Variants in NKAIN2 observed in about 807,000 individuals in gnomAD.
NKAIN2 encodes the protein sodium/potassium transporting ATPase interacting 2.
Under a neutral mutation model 32.6 loss-of-function variants are expected in NKAIN2, and 14 were observed. The ratio of observed to expected loss-of-function variants is 0.43; its 90% CI spans 0.28 to 0.67. The LOEUF (loss-of-function observed/expected upper bound fraction) is 0.67. Ranked by LOEUF, NKAIN2 falls within the 30% of genes least tolerant of loss-of-function variation. The pLI, the probability that NKAIN2 is intolerant of heterozygous loss-of-function variation, is 0.17. For missense variants in NKAIN2, 198 were observed against 258.3 expected (o/e 0.77, Z 1.60); for synonymous variants, 80 against 87.2 (o/e 0.92, Z 0.46).
At chr6:123,899,373 C>G (rs1774446914) in intron 1 of NKAIN2, among the ~76,000 whole-genome samples, 1 of 152,030 alleles carries the variant, frequency 6.6e-6, no homozygotes, top group African/African-American at 2.4e-5. Context: ...CTCACCTTAT[C>G]TCCTGTCTCC....
chr6:124,129,361 A>T (rs1364718741), intron 1 of NKAIN2, among the ~76,000 whole-genome samples: 1 of 152,226 alleles, frequency 6.6e-6, no homozygotes, highest in Non-Finnish European at 1.5e-5. Context: ...TATGCTGAGA[A>T]TGCCATCAGG....
rs145001840 is a variant in NKAIN2 at position 123,982,430 on chromosome 6, G to T, written c.54+178176G>T. On this transcript the variant is annotated intron_variant, in intron 1 of 6. Coordinates refer to ENST00000368417, the MANE Select transcript of NKAIN2 (RefSeq NM_001040214.3). Reference sequence around the variant, plus strand: ...GAGAGATTTAACTGCATAGGGCTTAGATGAGGAGGAATTGGTTATGATATT... The same window carrying T: ...GAGAGATTTAACTGCATAGGGCTTATATGAGGAGGAATTGGTTATGATATT... 5.3e-3 allele frequency among the ~76,000 whole-genome samples: 810 copies of T among 152,324 alleles called. 4 individuals are homozygous for T. Among genetic ancestry groups the T allele is most frequent in the Non-Finnish European group, 8.0e-3 (543 of 68,014 alleles).
At chr6:124,184,016 A>C (rs2114555326) in intron 1 of NKAIN2, among the ~76,000 whole-genome samples, 1 of 152,302 alleles carries the variant, frequency 6.6e-6, no homozygotes, top group East Asian at 1.9e-4. Context: ...AAACAAGAAA[A>C]GAAAGAGCTC....
chr6:124,204,237 A>G (rs1213878817), intron 1 of NKAIN2, among the ~76,000 whole-genome samples: 4 of 151,906 alleles, frequency 2.6e-5, no homozygotes, highest in Non-Finnish European at 5.9e-5. Context: ...GCTCCAAAAT[A>G]AGAGACATTT....
At chr6:124,671,078 C>T (rs776906249) in intron 4 of NKAIN2, among the ~76,000 whole-genome samples, 19 of 151,984 alleles carry the variant, frequency 1.3e-4, no homozygotes, top group Non-Finnish European at 2.1e-4. Context: ...GCAGCTGTAC[C>T]AAACAGAGCA....
intron 1 of NKAIN2, among the ~76,000 whole-genome samples, chr6:124,239,868 A>T (rs1792983432): frequency 6.6e-6 from 1 of 152,184 alleles, no homozygotes; most frequent in Admixed American, 6.6e-5. Context: ...TTCAAAAGCT[A>T]GCAGAAAACA....
intron 1 of NKAIN2, among the ~76,000 whole-genome samples, chr6:124,047,811 A>T (rs1214758862): frequency 6.6e-6 from 1 of 152,000 alleles, no homozygotes; most frequent in Non-Finnish European, 1.5e-5. Context: ...CTTGGCATCC[A>T]GCAATATTCA....
chr6:124,818,650 G>T (rs373877591), intron 6 of NKAIN2, among the ~76,000 whole-genome samples, 182 bp downstream of exon 6: 1 of 151,796 alleles, frequency 6.6e-6, no homozygotes, highest in South Asian at 2.1e-4. Context: ...TTTCTTATTT[G>T]ACTTATAAGA....
At chr6:124,451,946 G>C (rs538362627) in intron 3 of NKAIN2, among the ~76,000 whole-genome samples, 1 of 152,180 alleles carries the variant, frequency 6.6e-6, no homozygotes, top group East Asian at 1.9e-4. Flanking sequence ...TGTAATCCCA[G>C]CACTTTGGGA....
At position 124,421,112 on chromosome 6, in the gene NKAIN2, G is replaced by A. The variant is rs147018589; in HGVS notation, c.273+65765G>A. ...AAAAAAAACATGTTTTCTCTCAGTT[G>A]GACCCATTGTCCTTGAAGAAATATC... On this transcript the variant is annotated intron_variant, in intron 3 of 6. Coordinates refer to ENST00000368417, the MANE Select transcript of NKAIN2 (RefSeq NM_001040214.3). Among the ~76,000 whole-genome samples, 22 of 147,552 alleles carry A rather than the reference G, an allele frequency of 1.5e-4. No individual in the cohort carries two copies. In the East Asian group the frequency reaches 4.1e-3, roughly 27 times the overall value.
chr6:124,191,757 C>T (rs1274502279), intron 1 of NKAIN2, among the ~76,000 whole-genome samples: 1 of 152,060 alleles, frequency 6.6e-6, no homozygotes, highest in African/African-American at 2.4e-5. Context: ...TGAAGTGTGT[C>T]CTATCTACTC....
intron 4 of NKAIN2, among the ~76,000 whole-genome samples, chr6:124,746,793 A>G (rs1203343059): frequency 1.3e-5 from 2 of 151,914 alleles, no homozygotes; most frequent in Non-Finnish European, 2.9e-5. Context: ...TCTACCATCA[A>G]TAAGCTAAGT....
At chr6:124,169,464 T>G (rs1788738627) in intron 1 of NKAIN2, among the ~76,000 whole-genome samples, 1 of 152,178 alleles carries the variant, frequency 6.6e-6, no homozygotes. Flanking sequence ...AATTGCTACA[T>G]TTTACAATCC....
chr6:124,639,746 C>T, intron 3 of NKAIN2, among the ~76,000 whole-genome samples: 1 of 152,126 alleles, frequency 6.6e-6, no homozygotes, highest in East Asian at 1.9e-4. Flanking sequence ...TTAAATGCTA[C>T]TTGTTCTCAC....
chr6:124,742,651 C>G (rs1325858890), intron 4 of NKAIN2, among the ~76,000 whole-genome samples: 1 of 151,830 alleles, frequency 6.6e-6, no homozygotes, highest in Admixed American at 6.6e-5. Flanking sequence ...TTAACCAATA[C>G]AAGTCGACTG....
chr6:124,673,795 A>G (rs1252791052), intron 4 of NKAIN2, among the ~76,000 whole-genome samples: 4 of 151,668 alleles, frequency 2.6e-5, no homozygotes, highest in Non-Finnish European at 5.9e-5. Context: ...CTATTATCAG[A>G]TATATGGTTT....
intron 1 of NKAIN2, among the ~76,000 whole-genome samples, chr6:124,046,266 C>T (rs919949294): frequency 1.3e-4 from 19 of 151,780 alleles, no homozygotes; most frequent in African/African-American, 4.4e-4. Flanking sequence ...GAAAAATGAT[C>T]CTACCTAGTT....
chr6:124,680,789 T>G (rs1011070204), intron 4 of NKAIN2, among the ~76,000 whole-genome samples: 2 of 151,976 alleles, frequency 1.3e-5, no homozygotes, highest in African/African-American at 2.4e-5. Flanking sequence ...TGAGACAGAA[T>G]TGTAAGCAAA....
At chr6:124,238,807 C>T (rs1165963637) in intron 1 of NKAIN2, among the ~76,000 whole-genome samples, 1 of 152,182 alleles carries the variant, frequency 6.6e-6, no homozygotes, top group Non-Finnish European at 1.5e-5. Context: ...AAAACTGGGA[C>T]CAGCCACTGC....
Sources: gnomAD v4.1 joint callset for allele counts (sites outside exome capture counted in the v4.1 genomes callset) on GRCh38, gnomAD v4.1.1 for gene constraint, MANE v1.5 for transcripts, NCBI Gene and HGNC (gene_info 2026-07-23, HGNC 2026-07-21) for gene names.